Variants in SHROOM4 observed in about 807,000 individuals in gnomAD.
The protein encoded by SHROOM4 is shroom family member 4, also known as protein Shroom4.
A neutral mutation model predicts 80.3 loss-of-function variants in SHROOM4; 17 were observed. The observed-to-expected ratio is 0.21, with a 90% CI of 0.14 to 0.32. The LOEUF is 0.32. SHROOM4 is among the 10% of genes least tolerant of loss of function. SHROOM4 has a pLI of 1.00. For synonymous variants in SHROOM4, 400 were observed against 437.5 expected (o/e 0.91, Z 1.07); for missense variants, 993 against 1,140.3 (o/e 0.87, Z 1.86).
intron 1 of SHROOM4, among the ~76,000 whole-genome samples, chrX:50,703,379 T>C (rs1015577818): frequency 2.9e-5 from 3 of 103,724 alleles, no homozygotes; most frequent in Non-Finnish European, 5.7e-5. Context: ...CAGATATGTT[T>C]CTTTCTTACG....
At chrX:50,670,029 T>C (rs1932778901) in intron 2 of SHROOM4, among the ~76,000 whole-genome samples, 1 of 112,172 alleles carries the variant, frequency 8.9e-6, no homozygotes, top group South Asian at 3.7e-4. Flanking sequence ...TTCCATAAGA[T>C]TTTCAATTTA....
chrX:50,660,496 T>C (rs1460148657), intron 2 of SHROOM4, among the ~76,000 whole-genome samples: 4 of 105,876 alleles, frequency 3.8e-5, no homozygotes, highest in African/African-American at 1.4e-4. Flanking sequence ...GCTTTAATTG[T>C]AAGTGTTGAG....
At chrX:50,704,405 G>A (rs1357864148) in intron 1 of SHROOM4, among the ~76,000 whole-genome samples, 1 of 111,592 alleles carries the variant, frequency 9.0e-6, no homozygotes, top group Non-Finnish European at 1.9e-5. Context: ...TATTTTTCAA[G>A]TTGATCAAAA....
chrX:50,778,595 T>C (rs1158216422), intron 1 of SHROOM4, among the ~76,000 whole-genome samples: 3 of 112,405 alleles, frequency 2.7e-5, no homozygotes, highest in African/African-American at 9.7e-5. Flanking sequence ...TATTGACTCA[T>C]TCCAAACTGT....
chrX:50,694,703 G>A (rs1241652731), intron 2 of SHROOM4, among the ~76,000 whole-genome samples: 1 of 107,978 alleles, frequency 9.3e-6, no homozygotes, highest in African/African-American at 3.4e-5. Context: ...TGACAATTAG[G>A]CAATAATTTG....
At chrX:50,706,105 T>C (rs782583246) in intron 1 of SHROOM4, among the ~76,000 whole-genome samples, 3 of 110,596 alleles carry the variant, frequency 2.7e-5, no homozygotes, top group Non-Finnish European at 5.7e-5. Context: ...TTGTACTTAC[T>C]ATTCTATCTG....
At chrX:50,797,235 G>A (rs1936034860) in intron 1 of SHROOM4, among the ~76,000 whole-genome samples, 1 of 111,347 alleles carries the variant, frequency 9.0e-6, no homozygotes, top group African/African-American at 3.3e-5. Flanking sequence ...TATACTGGCA[G>A]CAGAGTTTGG....
chrX:50,614,980 T>C (rs1374183088), intron 5 of SHROOM4, among the ~76,000 whole-genome samples: 3 of 112,033 alleles, frequency 2.7e-5, no homozygotes, highest in Non-Finnish European at 5.6e-5. Flanking sequence ...TTCCCATTTT[T>C]GTAAAAAAGA....
chrX:50,672,115 C>T (rs189942455), intron 2 of SHROOM4, among the ~76,000 whole-genome samples: 23 of 112,268 alleles, frequency 2.0e-4, no homozygotes, highest in African/African-American at 7.4e-4. Flanking sequence ...GACAGTTTGA[C>T]ATCAATTCAG....
In SHROOM4 at chrX:50,607,687, GCCT is replaced by G. The variant is rs782326752; in HGVS notation, c.3452_3454del (p.Glu1151del). On this transcript the variant is annotated inframe_deletion, in exon 6 of 9. Coordinates refer to ENST00000376020, the MANE Select transcript of SHROOM4 (RefSeq NM_020717.5). ...TGGCAGCTCCTCTTCCTCCTCCTCT[GCCT>G]CCTCCTCCTCCTCTTCCTCTTCCTC... 35 of 1,174,028 alleles carry G rather than the reference GCCT, an allele frequency of 3.0e-5. No individual in the cohort carries two copies. The highest frequency in any genetic ancestry group is 4.5e-5 in the Admixed American group (2 of 44,300).
chrX:50,798,745 C>T (rs1011263004), intron 1 of SHROOM4, among the ~76,000 whole-genome samples: 1 of 111,299 alleles, frequency 9.0e-6, no homozygotes, highest in African/African-American at 3.3e-5. Context: ...TATAAAATTC[C>T]CAGAACAAAA....
At chrX:50,810,922 A>G (rs1291786229) in intron 1 of SHROOM4, among the ~76,000 whole-genome samples, 2 of 112,039 alleles carry the variant, frequency 1.8e-5, no homozygotes, top group African/African-American at 6.5e-5. Context: ...GAGGAAGCAC[A>G]TTGTAAATAG....
chrX:50,782,028 G>C (rs1935637954), intron 1 of SHROOM4, among the ~76,000 whole-genome samples: 1 of 111,520 alleles, frequency 9.0e-6, no homozygotes, highest in Non-Finnish European at 1.9e-5. Context: ...GGCCAACATG[G>C]TGAAACCCCA....
At chrX:50,722,590 A>G (rs185381499) in intron 1 of SHROOM4, among the ~76,000 whole-genome samples, 2 of 110,902 alleles carry the variant, frequency 1.8e-5, no homozygotes, top group African/African-American at 6.6e-5. Flanking sequence ...CCTAAATAAC[A>G]GGAGGGTCTT....
intron 1 of SHROOM4, among the ~76,000 whole-genome samples, chrX:50,726,053 T>C (rs1557265859): frequency 1.8e-5 from 2 of 111,958 alleles, no homozygotes; most frequent in Non-Finnish European, 1.9e-5. Flanking sequence ...GAAGAACTTA[T>C]TGGGAACTGG....
intron 2 of SHROOM4, among the ~76,000 whole-genome samples, chrX:50,693,255 G>A (rs886963289): frequency 7.2e-5 from 8 of 111,014 alleles, no homozygotes; most frequent in African/African-American, 2.6e-4. Flanking sequence ...AAATAACAAG[G>A]AAACTGACTA....
intron 1 of SHROOM4, among the ~76,000 whole-genome samples, chrX:50,705,055 A>G (rs892655167): frequency 3.7e-4 from 41 of 111,957 alleles, no homozygotes; most frequent in African/African-American, 1.3e-3. Context: ...TCCTTTACTG[A>G]GCCTAGGACA....
At chrX:50,715,652 G>T (rs1307727016) in intron 1 of SHROOM4, among the ~76,000 whole-genome samples, 1 of 111,038 alleles carries the variant, frequency 9.0e-6, no homozygotes, top group African/African-American at 3.3e-5. Context: ...ATCACTTCAT[G>T]CCTGTTAGGA....
In SHROOM4 at chrX:50,635,683, G is replaced by A. The variant is rs1557255982; in HGVS notation, c.405-15C>T. On this transcript the variant is annotated splice_polypyrimidine_tract_variant and intron_variant, in intron 3 of 8. Transcript: ENST00000376020. ...CACACACGTCACTGTAAGACACAGG[G>A]CATACTGGTTAGTTAGCGAAGTCAT... 18 of 1,202,147 alleles carry A rather than the reference G, an allele frequency of 1.5e-5. No homozygotes were observed. Among genetic ancestry groups the A allele is most frequent in the Admixed American group, 2.2e-5 (1 of 45,725 alleles).
Sources: allele counts gnomAD v4.1 joint callset (sites outside exome capture counted in the v4.1 genomes callset), GRCh38; gene constraint gnomAD v4.1.1; transcripts MANE v1.5; gene names NCBI Gene and HGNC (gene_info 2026-07-23, HGNC 2026-07-21).